Variants in SCFD2 observed in about 807,000 individuals in gnomAD.
SCFD2 encodes the protein sec1 family domain-containing protein 2.
SCFD2 carries 54 observed loss-of-function variants against 58.9 expected under a neutral mutation model. The ratio of observed to expected loss-of-function variants is 0.92; its 90% CI spans 0.74 to 1.15. The LOEUF (loss-of-function observed/expected upper bound fraction) is 1.15. Among genes scored for constraint, SCFD2 ranks in the 50% most tolerant of loss-of-function variants. The pLI, the probability that SCFD2 is intolerant of heterozygous loss-of-function variation, is 0.00. For synonymous variants in SCFD2, 321 were observed against 335.9 expected (o/e 0.96, Z 0.49); for missense variants, 805 against 836.6 (o/e 0.96, Z 0.47).
At chr4:53,259,186 G>A (rs1730751768) in intron 4 of SCFD2, among the ~76,000 whole-genome samples, 1 of 152,196 alleles carries the variant, frequency 6.6e-6, no homozygotes, top group Non-Finnish European at 1.5e-5. Flanking sequence ...TAACCCTGCT[G>A]ATTATTTATT....
At chr4:52,877,542 A>T (rs1244127003) in intron 8 of SCFD2, among the ~76,000 whole-genome samples, 4 of 152,322 alleles carry the variant, frequency 2.6e-5, no homozygotes. Flanking sequence ...TTCATCTGTA[A>T]AGTGGGAATG....
At chr4:52,982,195 T>C (rs545153132) in intron 5 of SCFD2, among the ~76,000 whole-genome samples, 22 of 152,278 alleles carry the variant, frequency 1.4e-4, no homozygotes, top group African/African-American at 5.1e-4. Flanking sequence ...CACTGCATGG[T>C]GTCTGTCACA....
At chr4:53,226,412 T>A (rs1487549218) in intron 4 of SCFD2, among the ~76,000 whole-genome samples, 2 of 152,134 alleles carry the variant, frequency 1.3e-5, no homozygotes, top group Non-Finnish European at 2.9e-5. Flanking sequence ...TATATTGATA[T>A]ATAATATTGA....
intron 2 of SCFD2, among the ~76,000 whole-genome samples, chr4:53,335,241 C>A (rs1447823459): frequency 5.5e-5 from 8 of 146,690 alleles, no homozygotes; most frequent in Non-Finnish European, 1.2e-4. Flanking sequence ...ACAACAACAA[C>A]CCCAGCATCA....
intron 5 of SCFD2, chr4:52,956,814 C>T (rs1375077543): frequency 6.5e-6 from 1 of 153,746 alleles, no homozygotes; most frequent in Non-Finnish European, 1.4e-5. Flanking sequence ...CAGCAGGCAA[C>T]AGCACAGATG....
intron 2 of SCFD2, among the ~76,000 whole-genome samples, chr4:53,338,865 C>G (rs1446948064): frequency 6.6e-6 from 1 of 151,788 alleles, no homozygotes; most frequent in Non-Finnish European, 1.5e-5. Context: ...CAGGCGTGAG[C>G]CACCGCGCCT....
chr4:53,252,416 C>T (rs559657918), intron 4 of SCFD2, among the ~76,000 whole-genome samples: 13 of 151,438 alleles, frequency 8.6e-5, no homozygotes, highest in Admixed American at 5.3e-4. Flanking sequence ...AAAAAGAGCC[C>T]GCATCGCCAA....
At chr4:52,966,472 C>G (rs1274564468) in intron 5 of SCFD2, among the ~76,000 whole-genome samples, 2 of 152,134 alleles carry the variant, frequency 1.3e-5, no homozygotes, top group Non-Finnish European at 2.9e-5. Flanking sequence ...TCCACATCAC[C>G]TTTTTAATCT....
intron 5 of SCFD2, among the ~76,000 whole-genome samples, chr4:52,999,393 A>G (rs542776684): frequency 9.1e-4 from 138 of 152,348 alleles, no homozygotes; most frequent in Admixed American, 2.5e-3. Flanking sequence ...CCTCTTGCCC[A>G]GAGGTAGTGT....
intron 6 of SCFD2, among the ~76,000 whole-genome samples, chr4:52,916,495 A>T (rs1374206780): frequency 5.9e-5 from 9 of 152,100 alleles, no homozygotes; most frequent in Non-Finnish European, 1.2e-4. Context: ...AATCGCTTGA[A>T]CCTGGGAGGC....
At chr4:53,215,006 G>C (rs1339403475) in intron 4 of SCFD2, among the ~76,000 whole-genome samples, 1 of 152,024 alleles carries the variant, frequency 6.6e-6, no homozygotes, top group African/African-American at 2.4e-5. Flanking sequence ...TGTTCCATTG[G>C]TCTATATCTC....
intron 4 of SCFD2, among the ~76,000 whole-genome samples, chr4:53,161,447 T>A (rs1726849835): frequency 6.6e-6 from 1 of 152,198 alleles, no homozygotes; most frequent in Admixed American, 6.5e-5. Context: ...AATAATCTAA[T>A]TCAGCTACAA....
chr4:52,966,132 C>T (rs948030154), intron 5 of SCFD2, among the ~76,000 whole-genome samples: 1 of 152,198 alleles, frequency 6.6e-6, no homozygotes, highest in Non-Finnish European at 1.5e-5. Flanking sequence ...ACACACCAGG[C>T]CATCTGGTGA....
At chr4:52,885,131 T>A (rs1294668208) in intron 8 of SCFD2, among the ~76,000 whole-genome samples, 1 of 152,098 alleles carries the variant, frequency 6.6e-6, no homozygotes, top group Non-Finnish European at 1.5e-5. Context: ...ACAGGAGGTA[T>A]AGAGAAGAAA....
At chr4:53,342,931 C>A (rs950440077) in intron 2 of SCFD2, among the ~76,000 whole-genome samples, 1 of 152,134 alleles carries the variant, frequency 6.6e-6, no homozygotes, top group Non-Finnish European at 1.5e-5. Flanking sequence ...ACACAACATA[C>A]CAGAATCTCT....
At chr4:53,080,284 G>T (rs1432944536) in intron 5 of SCFD2, among the ~76,000 whole-genome samples, 2 of 152,118 alleles carry the variant, frequency 1.3e-5, no homozygotes, top group African/African-American at 4.8e-5. Flanking sequence ...GTTTAATAAT[G>T]TCTTTCCAAT....
intron 3 of SCFD2, among the ~76,000 whole-genome samples, chr4:53,277,981 A>T (rs1041386904): frequency 1.3e-5 from 2 of 151,782 alleles, no homozygotes; most frequent in East Asian, 3.9e-4. Flanking sequence ...TGAACCCGGG[A>T]GGCGGAGCTT....
intron 5 of SCFD2, among the ~76,000 whole-genome samples, chr4:53,011,546 G>A (rs760949748): frequency 6.6e-6 from 1 of 152,212 alleles, no homozygotes; most frequent in African/African-American, 2.4e-5. Context: ...CTGCAGCTAA[G>A]TGAAATGGAA....
intron 2 of SCFD2, among the ~76,000 whole-genome samples, chr4:53,319,814 G>A (rs528618561): frequency 2.0e-5 from 3 of 152,296 alleles, no homozygotes; most frequent in East Asian, 1.9e-4. Flanking sequence ...TTACAGGCAT[G>A]AGCCACTAGG....
Sources: gnomAD v4.1 joint callset for allele counts (sites outside exome capture counted in the v4.1 genomes callset) on GRCh38, gnomAD v4.1.1 for gene constraint, MANE v1.5 for transcripts, NCBI Gene and HGNC (gene_info 2026-07-23, HGNC 2026-07-21) for gene names.